The following SCNN1A variants were observed in gnomAD, a reference collection of about 807,000 sequenced individuals.
SCNN1A encodes the protein epithelial sodium channel subunit alpha.
Under a neutral mutation model 68.6 loss-of-function variants are expected in SCNN1A, and 65 were observed. The observed-to-expected ratio is 0.95, with a 90% CI of 0.78 to 1.16. The LOEUF is 1.16. Ranked by LOEUF, SCNN1A falls within the 50% of genes most tolerant of loss-of-function variation. The pLI, the probability that SCNN1A is intolerant of heterozygous loss-of-function variation, is 0.00. For synonymous variants in SCNN1A, 357 were observed against 353.3 expected, an observed-to-expected ratio of 1.01 and a Z score of -0.12; for missense variants, 880 against 865.9, an observed-to-expected ratio of 1.02 and a Z score of -0.20.
In SCNN1A at chr12:6,372,443, G is replaced by A. The variant is rs1475201887; in HGVS notation, c.416+1925C>T. The stretch of plus-strand genomic sequence containing the variant: ...TGTTCTCTCCCTCCCGACTCCCACA[G>A]CAGCCCTTCAAGAAGGAGGGATTCT... On this transcript the variant is annotated intron_variant, in intron 2 of 12. Transcript: ENST00000228916. This position sits in a 1 kb window ranked among gnomAD's most constrained non-coding sequence, Gnocchi z 5.8. 6.6e-6 allele frequency among the ~76,000 whole-genome samples: 1 copy of A among 152,204 alleles called. No individual in the cohort carries two copies. The highest frequency in any genetic ancestry group is 1.9e-4 in the East Asian group (1 of 5,186).
At chr12:6,355,469 C>T (rs368864675) in intron 5 of SCNN1A, 34 bp from the exon 6 acceptor site, 52 of 1,609,984 alleles carry the variant, frequency 3.2e-5, no homozygotes, top group Middle Eastern at 1.6e-4. Flanking sequence ...TTGGCAGAGG[C>T]GGGAATCCTA....
At chr12:6,369,365 G>A (rs73261495) in intron 2 of SCNN1A, among the ~76,000 whole-genome samples, 30,354 of 115,546 alleles carry the variant, frequency 0.26, 4,002 homozygotes, top group African/African-American at 0.37. Flanking sequence ...CACCCTACGC[G>A]CCTCCCTCCT....
intron 4 of SCNN1A, chr12:6,356,415 T>C (rs986479737): frequency 1.1e-5 from 2 of 183,506 alleles, no homozygotes; most frequent in African/African-American, 4.8e-5. Flanking sequence ...GAGGAGATGA[T>C]TAATAAATAG....
chr12:6,363,772 G>C, intron 2 of SCNN1A, 62 bp from the exon 3 acceptor site: 1 of 1,478,820 alleles, frequency 6.8e-7, no homozygotes, highest in Non-Finnish European at 9.1e-7. Flanking sequence ...TGGCCCCTCC[G>C]GGGTCAGGGT....
intron 2 of SCNN1A, among the ~76,000 whole-genome samples, chr12:6,371,442 A>T (rs768765524): frequency 3.3e-4 from 50 of 151,482 alleles, no homozygotes; most frequent in Non-Finnish European, 5.5e-4. Context: ...TGTAATGGGT[A>T]AAAGAGCTTT....
At chr12:6,354,629 C>T (rs566964819) in intron 7 of SCNN1A, 74 bp from the exon 8 acceptor site, 3 of 1,400,604 alleles carry the variant, frequency 2.1e-6, no homozygotes, top group Admixed American at 1.7e-5. Context: ...GAGCCTCCAT[C>T]CTCTTTCCAC....
intron 2 of SCNN1A, among the ~76,000 whole-genome samples, chr12:6,366,252 A>G (rs1041743488): frequency 2.6e-5 from 4 of 152,178 alleles, no homozygotes; most frequent in African/African-American, 9.7e-5. Context: ...AAGTTCCTCA[A>G]AAAGTTAGAT....
intron 5 of SCNN1A, 58 bp downstream of exon 5, chr12:6,355,719 A>G (rs1948485139): frequency 4.1e-6 from 5 of 1,207,320 alleles, no homozygotes; most frequent in African/African-American, 1.5e-5. Flanking sequence ...AGCTCAAGGT[A>G]AGTACAGGTG....
chr12:6,371,464 C>A (rs1334597584), intron 2 of SCNN1A, among the ~76,000 whole-genome samples: 1 of 150,720 alleles, frequency 6.6e-6, no homozygotes, highest in Non-Finnish European at 1.5e-5. Flanking sequence ...AAATCAAACA[C>A]ACTAGGTTTG....
In SCNN1A at chr12:6,348,445, C is replaced by A. The variant is rs372102697; in HGVS notation, c.1630-192G>T. Among the ~76,000 whole-genome samples the A allele has an allele frequency of 1.2e-3, 186 of 150,582 alleles. 2 individuals are homozygous for A. The highest frequency in any genetic ancestry group is 6.8e-3 in the Middle Eastern group (2 of 294). On this transcript the variant is annotated intron_variant, in intron 12 of 12. Coordinates refer to ENST00000228916, the MANE Select transcript of SCNN1A (RefSeq NM_001038.6). ...AGTGTCACCCAGAGAAAACTGATAA[C>A]TGGCCCACAGTTAGGGGCAGCTGAA...
chr12:6,349,546 T>C (rs1948335331), intron 8 of SCNN1A, 141 bp from the exon 9 acceptor site: 2 of 705,394 alleles, frequency 2.8e-6, no homozygotes, highest in Admixed American at 2.0e-5. Flanking sequence ...TGAGTGGCAG[T>C]ACCAAGAAGC....
chr12:6,361,882 G>A (rs973843139), intron 4 of SCNN1A, among the ~76,000 whole-genome samples, 169 bp downstream of exon 4: 3 of 152,250 alleles, frequency 2.0e-5, no homozygotes, highest in Non-Finnish European at 2.9e-5. Flanking sequence ...TTCGTAGGGC[G>A]CTCTCTGGGG....
upstream of SCNN1A, chr12:6,375,608 G>A: frequency 1.7e-6 from 2 of 1,177,850 alleles, no homozygotes; most frequent in Non-Finnish European, 2.4e-6. Flanking sequence ...AGCAGGGCGG[G>A]GGGAGGGGCT....
intron 4 of SCNN1A, among the ~76,000 whole-genome samples, chr12:6,357,302 A>T (rs1393837835): frequency 6.6e-6 from 1 of 152,204 alleles, no homozygotes. Context: ...GGTGGGGCAC[A>T]GTGGCTCACG....
intron 4 of SCNN1A, among the ~76,000 whole-genome samples, chr12:6,358,031 T>A (rs1186970936): frequency 6.6e-6 from 1 of 152,220 alleles, no homozygotes; most frequent in East Asian, 1.9e-4. Flanking sequence ...GACTCCAGAA[T>A]TAAATTCCTT....
At chr12:6,356,231 C>T (rs1333615185) in intron 4 of SCNN1A, 3 of 359,662 alleles carry the variant, frequency 8.3e-6, no homozygotes, top group Admixed American at 7.8e-5. Context: ...TTCCGTGCTG[C>T]CTTGTAACTT....
At position 6,363,462 on chromosome 12, in the gene SCNN1A, C is replaced by T. The variant is rs1468208667; in HGVS notation, c.665G>A (p.Trp222Ter). 6.3e-6 allele frequency: 10 copies of T among 1,597,804 alleles called. No homozygotes were observed. The highest frequency in any genetic ancestry group is 2.3e-5 in the East Asian group (1 of 44,090). The change falls in exon 3 of 13, where the codon TGG (tryptophan) becomes TAG (stop). Residue 222 changes from tryptophan to a stop codon, truncating the protein, a stop_gained. Coordinates refer to ENST00000228916, the MANE Select transcript of SCNN1A (RefSeq NM_001038.6). LOFTEE classifies it high-confidence loss of function. The part of the protein sequence containing the change: ...DNNPQVDWKD[W>*]KIGFQLCNQN... ...CCTCACCAGCTGGAAGCCGATCTTCCAGTCCTTCCAGTCCACCTGGGGGTT... is the reference window on the plus strand; with the variant it reads ...CCTCACCAGCTGGAAGCCGATCTTCTAGTCCTTCCAGTCCACCTGGGGGTT...
intron 2 of SCNN1A, chr12:6,364,103 G>C (rs1384518929): frequency 6.0e-6 from 1 of 167,268 alleles, no homozygotes; most frequent in African/African-American, 2.4e-5. Context: ...ATCCCGCCCT[G>C]ATCCCCGCAG....
At position 6,363,532 on chromosome 12, in the gene SCNN1A, C is replaced by G. The variant is rs753587879; in HGVS notation, c.595G>C (p.Gly199Arg). The G allele has an allele frequency of 1.2e-6, 2 of 1,609,572 alleles. No homozygotes were observed. Among genetic ancestry groups the G allele is most frequent in the Admixed American group, 1.7e-5 (1 of 59,644 alleles). The change falls in exon 3 of 13, where the codon GGG becomes CGG. Residue 199 changes from glycine (G) to arginine (R), a missense_variant. This residue lies in a region of SCNN1A where 758 missense variants were observed against 721.8 expected (regional missense o/e 1.05). Coordinates refer to ENST00000228916, the MANE Select transcript of SCNN1A (RefSeq NM_001038.6). ...GCCACGCTACGGGCTCGACGGGCCC[C>G]GTGAGGCGGGGGCGGGACCCTCAGG... ...QRLRVPPPPH[G>R]ARRARSVASS...
Sources: allele counts gnomAD v4.1 joint callset (sites outside exome capture counted in the v4.1 genomes callset), GRCh38; gene constraint gnomAD v4.1.1; regional missense constraint gnomAD v4.1.1; non-coding constraint Gnocchi (gnomAD v3.1); transcripts MANE v1.5; gene names NCBI Gene and HGNC (gene_info 2026-07-23, HGNC 2026-07-21).